PANK3: variants seen among roughly 807,000 people sequenced by gnomAD.
The protein encoded by PANK3 is pantothenate kinase 3, also known as hPanK3.
PANK3 carries 20 observed loss-of-function variants against 39.4 expected under a neutral mutation model. That is an observed-to-expected ratio of 0.51 (90% CI 0.36 to 0.74). The LOEUF (loss-of-function observed/expected upper bound fraction) is 0.74, where lower values mean the gene tolerates loss of function less well. Among genes scored for constraint, PANK3 ranks in the 30% least tolerant of loss-of-function variants. The pLI, the probability that PANK3 is intolerant of heterozygous loss-of-function variation, is 0.00. For synonymous variants in PANK3, 140 were observed against 157.3 expected (o/e 0.89, Z 0.82); for missense variants, 265 against 437.0 (o/e 0.61, Z 3.51).
chr5:168,568,528 C>T (rs577282050), intron 2 of PANK3, 118 bp downstream of exon 2: 1 of 796,464 alleles, frequency 1.3e-6, no homozygotes, highest in African/African-American at 1.7e-5. Context: ...GAAAGGCAAC[C>T]ATGGATACAT....
At position 168,568,646 on chromosome 5, in the gene PANK3, T is replaced by A. The variant is rs1445377157; in HGVS notation, c.381A>T (p.Thr127=). Residue 127 remains threonine (T), a splice_region_variant and synonymous_variant, in exon 2 of 7, where the codon ACA becomes ACT. Transcript: ENST00000239231. ...GAYKFEKDFR[T]IGNLHLHKLD... ...TCAGTTTTGAGTAAAAGATACCTAC[T>A]GTGCGAAAATCTTTTTCAAACTTGT... 3 of 1,594,882 alleles carry A rather than the reference T, an allele frequency of 1.9e-6. No individual in the cohort carries two copies. Among genetic ancestry groups the A allele is most frequent in the Non-Finnish European group, 2.6e-6 (3 of 1,167,700 alleles).
At position 168,550,152 on chromosome 5, in the gene PANK3, G is replaced by A. The variant is rs920063563; in HGVS notation, c.*7419C>T. 6.6e-6 allele frequency: 1 copy of A among 152,010 alleles called. No individual in the cohort carries two copies. Among genetic ancestry groups the A allele is most frequent in the African/African-American group, 2.4e-5 (1 of 41,380 alleles). The allele number at this position is 152,010 out of a possible 1,614,324, so 9.4% of individuals were successfully genotyped here. On this transcript the variant is annotated 3_prime_UTR_variant, in exon 7 of 7. Coordinates refer to ENST00000239231, the MANE Select transcript of PANK3 (RefSeq NM_024594.4). ...AATTTTGTACTCTGATATTATCCTG[G>A]GATAACGATATGTGGTACAATACTC...
chr5:168,572,421 C>A (rs1759654545), intron 1 of PANK3, among the ~76,000 whole-genome samples: 1 of 152,008 alleles, frequency 6.6e-6, no homozygotes. Context: ...AGAGAGTCAG[C>A]AAAGGGTGGT....
At position 168,554,880 on chromosome 5, in the gene PANK3, T is replaced by C. The variant is rs1759325581; in HGVS notation, c.*2691A>G. 1.3e-5 allele frequency: 2 copies of C among 152,240 alleles called. No individual in the cohort carries two copies. 9.4% of individuals were successfully genotyped at this position (152,240 alleles called of 1,614,324 possible). A position where few individuals can be genotyped will look rare whatever the true frequency, so the allele number is the denominator to read the frequency against. On this transcript the variant is annotated 3_prime_UTR_variant, in exon 7 of 7. Transcript: ENST00000239231. The stretch of plus-strand genomic sequence containing the variant: ...AAAAATGGAATGGTCAGAGTCTAAG[T>C]TATTTCATCACTGTACTTTGGTTAA...
At chr5:168,577,705 C>G (rs1561844313) in intron 1 of PANK3, among the ~76,000 whole-genome samples, 1 of 152,182 alleles carries the variant, frequency 6.6e-6, no homozygotes, top group Non-Finnish European at 1.5e-5. Context: ...GGAGGTAGTA[C>G]TCATACCTGA....
chr5:168,571,009 C>T (rs1759621603), intron 1 of PANK3, among the ~76,000 whole-genome samples: 2 of 152,094 alleles, frequency 1.3e-5, no homozygotes, highest in African/African-American at 4.8e-5. Context: ...AGGCACTGGA[C>T]AATAATCTTT....
At chr5:168,579,197 CT>C in intron 1 of PANK3, 58 bp downstream of exon 1, 1 of 1,437,122 alleles carries the variant, frequency 7.0e-7, no homozygotes, top group South Asian at 1.4e-5. Flanking sequence ...AGCCAAGGGG[CT>C]TTCAGACGGG....
At position 168,579,237 on chromosome 5, in the gene PANK3, G is replaced by A. The variant is rs370122860; in HGVS notation, c.28+19C>T. Reference sequence around the variant, plus strand: ...CAAGGGTGCCCTCCCAACCTGGCGGGCCCCAGCCCCCGTCTTACAGGGTTT... The same window carrying A: ...CAAGGGTGCCCTCCCAACCTGGCGGACCCCAGCCCCCGTCTTACAGGGTTT... On this transcript the variant is annotated intron_variant, in intron 1 of 6. Coordinates refer to ENST00000239231, the MANE Select transcript of PANK3 (RefSeq NM_024594.4). 9 of 1,485,366 alleles carry A rather than the reference G, an allele frequency of 6.1e-6. No homozygotes were observed. In the African/African-American group the frequency reaches 1.0e-4, roughly 17 times the overall value. The allele number at this position is 1,485,366 out of a possible 1,614,324, so 92.0% of individuals were successfully genotyped here.
Position 168,559,142 on chromosome 5 carries a change from C to A in PANK3, c.952G>T (p.Val318Phe). ...ACACGTAAAAAGTTTCCAACAAAGA[C>A]AACTCTGTTTATTTTCTAAAAGAAA... ...CAVNEKINRV[V>F]FVGNFLRVNT... Residue 318 changes from valine (V) to phenylalanine (F), a missense_variant, in exon 6 of 7, where the codon GTC (valine) becomes TTC (phenylalanine). This residue lies in a region of PANK3 where 110 missense variants were observed against 161.2 expected (regional missense o/e 0.68). Transcript: ENST00000239231. 6.5e-7 allele frequency: 1 copy of A among 1,549,600 alleles called. No homozygotes were observed. Among genetic ancestry groups the A allele is most frequent in the Non-Finnish European group, 8.8e-7 (1 of 1,136,672 alleles).
rs570340885 is a variant in PANK3 at position 168,555,794 on chromosome 5, G to A, written c.*1777C>T. ...TCACTGTCGTTGAAAACTTTCTTGA[G>A]ATAGTTTATTTTATACAAACAAACT... On this transcript the variant is annotated 3_prime_UTR_variant, in exon 7 of 7. Transcript: ENST00000239231. 2.0e-5 allele frequency: 3 copies of A among 152,192 alleles called. No homozygotes were observed. Among genetic ancestry groups the A allele is most frequent in the Admixed American group, 2.0e-4 (3 of 15,276 alleles). The allele number at this position is 152,192 out of a possible 1,614,324, so 9.4% of individuals were successfully genotyped here. A position where few individuals can be genotyped will look rare whatever the true frequency, so the allele number is the denominator to read the frequency against.
rs940384541 is a variant in PANK3, at chr5:168,550,233, G to T, written c.*7338C>A. The T allele has an allele frequency of 6.6e-6, 1 of 152,148 alleles. No individual in the cohort carries two copies. The highest frequency in any genetic ancestry group is 1.5e-5 in the Non-Finnish European group (1 of 68,024). 9.4% of individuals were successfully genotyped at this position (152,148 alleles called of 1,614,324 possible). On this transcript the variant is annotated 3_prime_UTR_variant, in exon 7 of 7. Coordinates refer to ENST00000239231, the MANE Select transcript of PANK3 (RefSeq NM_024594.4). ...AATAGGTTTTGTATTAGATGATTTT[G>T]CCCAGCTAAAGGCCAACGTTAAGTG... is the stretch of plus-strand genomic sequence containing the variant.
Position 168,557,219 on chromosome 5 carries a change from CAG to C in PANK3, c.*350_*351del, listed in dbSNP as rs1193569020. The stretch of plus-strand genomic sequence containing the variant: ...ATAAAACAGACTTGTAACAAATATT[CAG>C]AGTCGATTATTTTCATAAGCTAAAC... On this transcript the variant is annotated 3_prime_UTR_variant, in exon 7 of 7. Transcript: ENST00000239231. 2 of 189,328 alleles carry C rather than the reference CAG, an allele frequency of 1.1e-5. No individual in the cohort carries two copies. The highest frequency in any genetic ancestry group is 1.1e-5 in the Non-Finnish European group (1 of 92,128). 11.7% of individuals were successfully genotyped at this position (189,328 alleles called of 1,614,324 possible). A position where few individuals can be genotyped will look rare whatever the true frequency, so the allele number is the denominator to read the frequency against.
chr5:168,574,454 T>TATATGTCACCAAAA (rs1158640784), intron 1 of PANK3, among the ~76,000 whole-genome samples: 1 of 152,094 alleles, frequency 6.6e-6, no homozygotes, highest in Admixed American at 6.6e-5. Context: ...GTCACCAAAA[T>TATATGTCACCAAAA]AAGGGGAGGG....
intron 1 of PANK3, among the ~76,000 whole-genome samples, chr5:168,572,346 T>TTG (rs200218163): frequency 0.027 from 4,025 of 151,262 alleles, 362 homozygotes; most frequent in Admixed American, 0.17. Context: ...TCTCCTAACC[T>TTG]TGTGTGTGTG....
chr5:168,566,265 A>C lies in PANK3; in HGVS notation c.383T>G (p.Ile128Ser), dbSNP rs1409712965. The C allele has an allele frequency of 2.5e-6, 4 of 1,589,530 alleles. No homozygotes were observed. In the African/African-American group the frequency reaches 5.4e-5, roughly 21 times the overall value. The change falls in exon 3 of 7, where the codon ATT becomes AGT. Residue 128 changes from isoleucine to serine, a missense_variant and splice_region_variant. Around this residue, in one of 3 missense-constraint regions of PANK3, gnomAD observed 154 missense variants for 256.8 expected, o/e 0.60. Transcript: ENST00000239231. ...AYKFEKDFRT[I>S]GNLHLHKLDE... The stretch of plus-strand genomic sequence containing the variant: ...CAGTTTGTGCAGGTGGAGGTTTCCA[A>C]TCTGTTAAAACAAACAAACAAAAAC...
At chr5:168,575,706 AG>A (rs1310206942) in intron 1 of PANK3, among the ~76,000 whole-genome samples, 1 of 152,110 alleles carries the variant, frequency 6.6e-6, no homozygotes, top group Non-Finnish European at 1.5e-5. Flanking sequence ...GGATTGCTTG[AG>A]CCTGGCATGC....
chr5:168,560,952 T>C (rs763264678), intron 5 of PANK3: 2 of 515,494 alleles, frequency 3.9e-6, no homozygotes, highest in Admixed American at 2.0e-5. Context: ...AAGGCAGCAC[T>C]GTAAAGAAGC....
intron 2 of PANK3, 40 bp from the exon 3 acceptor site, chr5:168,566,306 T>C: frequency 6.5e-7 from 1 of 1,545,078 alleles, no homozygotes; most frequent in Non-Finnish European, 8.8e-7. Flanking sequence ...AGGATGACAT[T>C]CAAAAACACT....
intron 1 of PANK3, among the ~76,000 whole-genome samples, chr5:168,575,540 T>C (rs988775379): frequency 6.6e-6 from 1 of 152,192 alleles, no homozygotes; most frequent in Non-Finnish European, 1.5e-5. Context: ...GGCTCATGCC[T>C]GTAATCCCAG....
Sources: gnomAD v4.1 joint callset for allele counts (sites outside exome capture counted in the v4.1 genomes callset) on GRCh38, gnomAD v4.1.1 for gene constraint, gnomAD v4.1.1 regional missense constraint, MANE v1.5 for transcripts, NCBI Gene and HGNC (gene_info 2026-07-23, HGNC 2026-07-21) for gene names.